Variants in GNAI3 observed in about 807,000 individuals in gnomAD.
The protein encoded by GNAI3 is G protein subunit alpha i3.
In GNAI3, 12 loss-of-function variants were observed where a neutral mutation model predicts 41.8. The observed-to-expected ratio is 0.29, with a 90% CI of 0.18 to 0.47. GNAI3 has a LOEUF of 0.47. GNAI3 is among the 20% of genes least tolerant of loss of function. The pLI, the probability that GNAI3 is intolerant of heterozygous loss-of-function variation, is 1.00. For synonymous variants in GNAI3, 132 were observed against 146.5 expected (o/e 0.90, Z 0.71); for missense variants, 360 against 429.6 (o/e 0.84, Z 1.43).
chr1:109,557,468 CA>C, intron 1 of GNAI3, among the ~76,000 whole-genome samples: 1 of 152,096 alleles, frequency 6.6e-6, no homozygotes, highest in East Asian at 1.9e-4. Context: ...GGAATAGGAA[CA>C]CCACTCATAC....
intron 1 of GNAI3, among the ~76,000 whole-genome samples, chr1:109,562,741 C>T (rs779774539): frequency 1.3e-5 from 2 of 152,088 alleles, no homozygotes; most frequent in African/African-American, 4.8e-5. Flanking sequence ...CCTGTAGAAA[C>T]GTGCCCTATG....
chr1:109,561,585 C>T lies in GNAI3; in HGVS notation c.119-12152C>T, dbSNP rs553437714. ...TTGTTGCACTGTTCAGTGGGAGGCT[C>T]ATTTATTAACTTAGTTTCTAGCCTG... On this transcript the variant is annotated intron_variant, in intron 1 of 8. Transcript: ENST00000369851. Among the ~76,000 whole-genome samples the T allele has an allele frequency of 3.3e-5, 5 of 152,238 alleles. No homozygotes were observed. In the South Asian group the frequency reaches 8.3e-4, roughly 25 times the overall value.
chr1:109,549,142 C>T (rs969642751), intron 1 of GNAI3, among the ~76,000 whole-genome samples: 1 of 152,234 alleles, frequency 6.6e-6, no homozygotes, highest in South Asian at 2.1e-4. Flanking sequence ...GGGAAAAGCT[C>T]ATAAAGGAAG....
intron 3 of GNAI3, among the ~76,000 whole-genome samples, chr1:109,576,848 G>C (rs937827221): frequency 6.6e-6 from 1 of 152,122 alleles, no homozygotes; most frequent in African/African-American, 2.4e-5. Flanking sequence ...TAGACCTTTA[G>C]AGAGGGTTTA....
chr1:109,567,422 G>GTA (rs1394662361), intron 1 of GNAI3, among the ~76,000 whole-genome samples: 3 of 152,168 alleles, frequency 2.0e-5, no homozygotes, highest in African/African-American at 7.2e-5. Flanking sequence ...AGCTATAGAG[G>GTA]TATAAATGGT....
At chr1:109,583,780 A>G (rs1273068285) in intron 5 of GNAI3, among the ~76,000 whole-genome samples, 2 of 143,532 alleles carry the variant, frequency 1.4e-5, no homozygotes, top group African/African-American at 5.2e-5. Flanking sequence ...TTTAGTAGAG[A>G]TGGGCTTTTA....
intron 1 of GNAI3, among the ~76,000 whole-genome samples, chr1:109,569,357 A>C (rs1184483344): frequency 6.6e-6 from 1 of 152,132 alleles, no homozygotes; most frequent in Non-Finnish European, 1.5e-5. Context: ...TTGTATTTCA[A>C]CTATTACTTC....
At chr1:109,549,713 T>C (rs1425280601) in intron 1 of GNAI3, among the ~76,000 whole-genome samples, 2 of 152,236 alleles carry the variant, frequency 1.3e-5, no homozygotes, top group Non-Finnish European at 2.9e-5. Flanking sequence ...ACATATTCAC[T>C]GTAAAGACTA....
At chr1:109,563,937 C>T (rs1315828405) in intron 1 of GNAI3, among the ~76,000 whole-genome samples, 3 of 151,956 alleles carry the variant, frequency 2.0e-5, no homozygotes, top group Non-Finnish European at 4.4e-5. Flanking sequence ...TAAGTATTCC[C>T]TTTTATGTAT....
chr1:109,589,171 A>G (rs1649109619), intron 7 of GNAI3, among the ~76,000 whole-genome samples: 1 of 152,198 alleles, frequency 6.6e-6, no homozygotes, highest in African/African-American at 2.4e-5. Context: ...TAGAATGAGG[A>G]GAAAAAGGAC....
intron 1 of GNAI3, among the ~76,000 whole-genome samples, chr1:109,566,936 C>G (rs879906064): frequency 6.6e-6 from 1 of 152,104 alleles, no homozygotes; most frequent in Non-Finnish European, 1.5e-5. Flanking sequence ...AGGAATCAAC[C>G]GGGAGCAGTA....
chr1:109,590,015 T>C (rs1169335092), intron 7 of GNAI3, among the ~76,000 whole-genome samples: 2 of 152,236 alleles, frequency 1.3e-5, no homozygotes, highest in African/African-American at 4.8e-5. Context: ...GAGCAATTGA[T>C]TTTTGAGCAA....
intron 5 of GNAI3, among the ~76,000 whole-genome samples, chr1:109,583,676 G>A (rs936421846): frequency 6.6e-6 from 1 of 152,052 alleles, no homozygotes; most frequent in Non-Finnish European, 1.5e-5. Context: ...TGCCTTCCGG[G>A]TTCAAGTGAT....
Position 109,548,841 on chromosome 1 carries a change from G to A in GNAI3, c.118+3G>A, listed in dbSNP as rs1168651147. The A allele has an allele frequency of 3.2e-6, 5 of 1,565,904 alleles. No homozygotes were observed. In the South Asian group the frequency reaches 5.6e-5, roughly 18 times the overall value. ...AGAAGTGAAGCTGCTGCTACTCGGTGAGGGGCTGGAGGCGGGGACTGAGTG... is the reference window on the plus strand; with the variant it reads ...AGAAGTGAAGCTGCTGCTACTCGGTAAGGGGCTGGAGGCGGGGACTGAGTG... On this transcript the variant is annotated splice_donor_region_variant and intron_variant, in intron 1 of 8. Transcript: ENST00000369851.
At chr1:109,591,118 G>A (rs1649160908) in intron 7 of GNAI3, among the ~76,000 whole-genome samples, 1 of 152,048 alleles carries the variant, frequency 6.6e-6, no homozygotes, top group African/African-American at 2.4e-5. Flanking sequence ...TTTGCTTTTG[G>A]TTCCTGTCAC....
chr1:109,560,700 A>C lies in GNAI3; in HGVS notation c.118+11862A>C. ...TGAGTGGCTGGGACTACAGGCATGC[A>C]CCACTATGCTAGGCTAATTTAAATT... On this transcript the variant is annotated intron_variant, in intron 1 of 8. Coordinates refer to ENST00000369851, the MANE Select transcript of GNAI3 (RefSeq NM_006496.4). 1.3e-5 allele frequency among the ~76,000 whole-genome samples: 2 copies of C among 152,168 alleles called. 1 individual carries two copies. Among genetic ancestry groups the C allele is most frequent in the East Asian group, 3.8e-4 (2 of 5,200 alleles).
Position 109,596,855 on chromosome 1 carries a change from C to T in GNAI3, c.*4533C>T, listed in dbSNP as rs1444826550. On this transcript the variant is annotated 3_prime_UTR_variant, in exon 9 of 9. Transcript: ENST00000369851. ...CATGGGAATATACATGTTTTTAATA[C>T]ATTCCTTAGGTGATTTTGATGTAGC... The T allele has an allele frequency of 6.6e-6, 1 of 152,310 alleles. No homozygotes were observed. Among genetic ancestry groups the T allele is most frequent in the East Asian group, 1.9e-4 (1 of 5,192 alleles). The allele number at this position is 152,310 out of a possible 1,614,324, so 9.4% of individuals were successfully genotyped here.
chr1:109,584,871 A>C (rs1296004083), intron 5 of GNAI3, among the ~76,000 whole-genome samples: 1 of 152,250 alleles, frequency 6.6e-6, no homozygotes, highest in African/African-American at 2.4e-5. Flanking sequence ...TGAGACCTCC[A>C]TGGTGAAATA....
At chr1:109,576,684 A>G (rs967591588) in intron 3 of GNAI3, among the ~76,000 whole-genome samples, 2 of 151,544 alleles carry the variant, frequency 1.3e-5, no homozygotes, top group Non-Finnish European at 2.9e-5. Flanking sequence ...ATGCCCGCCT[A>G]ATTTTTTTGT....
Sources: allele counts gnomAD v4.1 joint callset (sites outside exome capture counted in the v4.1 genomes callset), GRCh38; gene constraint gnomAD v4.1.1; transcripts MANE v1.5; gene names NCBI Gene and HGNC (gene_info 2026-07-23, HGNC 2026-07-21).